The following RABGEF1 variants were observed in gnomAD, a reference collection of about 807,000 sequenced individuals.
RABGEF1 encodes the protein rab5 GDP/GTP exchange factor.
RABGEF1 carries 26 observed loss-of-function variants against 57.3 expected under a neutral mutation model. That is an observed-to-expected ratio of 0.45 (90% CI 0.33 to 0.63). The LOEUF is 0.63. RABGEF1 is among the 20% of genes least tolerant of loss of function. RABGEF1 has a pLI of 0.02. For missense variants in RABGEF1, 464 were observed against 607.6 expected (o/e 0.76, Z 2.48); for synonymous variants, 185 against 210.7 (o/e 0.88, Z 1.06).
In RABGEF1 at chr7:66,795,561, T is replaced by A; in HGVS notation, c.564T>A (p.Asn188Lys). The A allele has an allele frequency of 6.2e-7, 1 of 1,612,252 alleles. No homozygotes were observed. The highest frequency in any genetic ancestry group is 8.5e-7 in the Non-Finnish European group (1 of 1,178,280). The change falls in exon 5 of 9, where the codon AAT becomes AAA. Residue 188 changes from asparagine to lysine, a missense_variant. Physicochemically the swap from Asn to Lys is moderately conservative, Grantham distance 94. Around this residue, in one of 4 missense-constraint regions of RABGEF1, gnomAD observed 284 missense variants for 389.9 expected, o/e 0.73. Transcript: ENST00000284957. ...AGTGTGCTCAGGATTTCTACCACAA[T>A]GTGGCCGAAAGGATGCAAACTCGTG... Reference protein sequence around the residue: ...QSECAQDFYHNVAERMQTRGK... With the variant: ...QSECAQDFYHKVAERMQTRGK...
At chr7:66,727,710 G>A (rs537820093) in intron 2 of RABGEF1, among the ~76,000 whole-genome samples, 8 of 152,318 alleles carry the variant, frequency 5.3e-5, no homozygotes, top group African/African-American at 9.6e-5. Context: ...GGGTCCTGGC[G>A]GTGGCCAGAA....
At chr7:66,780,599 A>G (rs1163819543) in intron 3 of RABGEF1, among the ~76,000 whole-genome samples, 2 of 152,094 alleles carry the variant, frequency 1.3e-5, no homozygotes, top group Non-Finnish European at 2.9e-5. Flanking sequence ...GTCTTTACTG[A>G]CTTTTTAAAA....
Position 66,771,921 on chromosome 7 carries a change from C to G in RABGEF1, c.22C>G (p.Arg8Gly). MSLKSER[R>G]GIHVDQSDLL... ...GAAGATGAGCCTTAAGTCTGAACGC[C>G]GAGGAATTCATGTGGATCAATCGGA... The change falls in exon 2 of 9, where the codon CGA (arginine) becomes GGA (glycine). Residue 8 changes from arginine to glycine, a missense_variant. Arg to Gly is a moderately radical substitution (Grantham distance 125). Transcript: ENST00000284957. The G allele has an allele frequency of 6.4e-7, 1 of 1,555,888 alleles. No homozygotes were observed. Among genetic ancestry groups the G allele is most frequent in the Non-Finnish European group, 8.7e-7 (1 of 1,150,262 alleles).
chr7:66,732,714 ACT>A (rs762519718), intron 2 of RABGEF1, among the ~76,000 whole-genome samples: 34 of 148,468 alleles, frequency 2.3e-4, no homozygotes, highest in South Asian at 1.3e-3. Context: ...TCTCTCGCTC[ACT>A]CTCTCTCGCT....
At chr7:66,803,630 C>G (rs1017631072) in intron 7 of RABGEF1, among the ~76,000 whole-genome samples, 1 of 152,138 alleles carries the variant, frequency 6.6e-6, no homozygotes, top group African/African-American at 2.4e-5. Context: ...GTGAGTCACA[C>G]CTGTAATCCC....
chr7:66,808,871 G>T lies in RABGEF1; in HGVS notation c.1078-15G>T. 3 of 1,544,206 alleles carry T rather than the reference G, an allele frequency of 1.9e-6. No individual in the cohort carries two copies. The highest frequency in any genetic ancestry group is 2.7e-6 in the Non-Finnish European group (3 of 1,130,534). ...GCTTTCCTAATATGACTGTATTAAC[G>T]TCCTCTTCTTGTAGTGCTGTGCTGT... On this transcript the variant is annotated splice_polypyrimidine_tract_variant and intron_variant, in intron 8 of 8. Transcript: ENST00000284957.
At chr7:66,677,210 A>G (rs1014778164), upstream of RABGEF1, among the ~76,000 whole-genome samples, 7 of 152,218 alleles carry the variant, frequency 4.6e-5, no homozygotes, top group African/African-American at 1.7e-4. Flanking sequence ...TGTGATAAAA[A>G]GAAATCTAAC....
At chr7:66,782,896 A>G (rs1219775147) in intron 3 of RABGEF1, among the ~76,000 whole-genome samples, 1 of 152,230 alleles carries the variant, frequency 6.6e-6, no homozygotes. Flanking sequence ...GTTCAAAATC[A>G]GGAGGCTTAG....
At chr7:66,711,914 A>G (rs940768932) in intron 1 of RABGEF1, among the ~76,000 whole-genome samples, 1 of 152,048 alleles carries the variant, frequency 6.6e-6, no homozygotes, top group Admixed American at 6.6e-5. Flanking sequence ...GCATTGATGT[A>G]TTCTATTTCA....
the RABGEF1 span, among the ~76,000 whole-genome samples, chr7:66,658,767 G>A: frequency 6.6e-6 from 1 of 151,980 alleles, no homozygotes; most frequent in Non-Finnish European, 1.5e-5. Context: ...ACAGAGTCTC[G>A]CTCTGTCGCC....
At chr7:66,773,294 A>G (rs1468819961) in intron 2 of RABGEF1, among the ~76,000 whole-genome samples, 2 of 152,162 alleles carry the variant, frequency 1.3e-5, no homozygotes, top group Non-Finnish European at 2.9e-5. Flanking sequence ...TCAAAAACAG[A>G]GTAGAGGCCA....
upstream of RABGEF1, among the ~76,000 whole-genome samples, chr7:66,677,408 AT>A (rs910376975): frequency 6.6e-6 from 1 of 152,126 alleles, no homozygotes; most frequent in African/African-American, 2.4e-5. Context: ...CCCTATCTCT[AT>A]AAAAAATAAG....
intron 1 of RABGEF1, among the ~76,000 whole-genome samples, chr7:66,756,552 G>A (rs1237361355): frequency 2.0e-5 from 3 of 152,026 alleles, no homozygotes; most frequent in African/African-American, 7.3e-5. Flanking sequence ...ATACTTCATT[G>A]TCCTGTTCAG....
chr7:66,735,108 T>G (rs1041842044), intron 2 of RABGEF1, among the ~76,000 whole-genome samples: 1 of 152,190 alleles, frequency 6.6e-6, no homozygotes, highest in African/African-American at 2.4e-5. Context: ...AGTTTTAACT[T>G]TATAATCTGT....
chr7:66,685,944 T>C (rs1272556987), intron 1 of RABGEF1, among the ~76,000 whole-genome samples: 2 of 152,104 alleles, frequency 1.3e-5, no homozygotes, highest in African/African-American at 4.8e-5. Context: ...TGACTCAGAA[T>C]AGAAATGGTA....
chr7:66,657,831 A>C, the RABGEF1 span, among the ~76,000 whole-genome samples: 1 of 152,096 alleles, frequency 6.6e-6, no homozygotes, highest in South Asian at 2.1e-4. Flanking sequence ...AAAAAAAATC[A>C]ATAAAAATAA....
chr7:66,665,481 G>A, the RABGEF1 span, among the ~76,000 whole-genome samples: 1 of 152,018 alleles, frequency 6.6e-6, no homozygotes, highest in Non-Finnish European at 1.5e-5. Context: ...TGTCCTGCTG[G>A]GGGATGGGAT....
At chr7:66,682,164 C>A (rs532704139) in exon 1 of RABGEF1, 2 of 167,268 alleles carry the variant, frequency 1.2e-5, no homozygotes, top group Middle Eastern at 1.2e-3. Context: ...ACTGGGGAAC[C>A]CAGACCTGCC....
In RABGEF1 at chr7:66,746,784, C is replaced by T. The variant is rs575313500; in HGVS notation, c.-18+5992C>T. 3.3e-4 allele frequency among the ~76,000 whole-genome samples: 44 copies of T among 134,278 alleles called. 1 individual carries two copies. The East Asian group carries it at 5.7e-3, about 17-fold the overall frequency. The allele number at this position is 134,278 out of a possible 152,430, so 88.1% of individuals were successfully genotyped here. A position where few individuals can be genotyped will look rare whatever the true frequency, so the allele number is the denominator to read the frequency against. On this transcript the variant is annotated intron_variant, in intron 1 of 8. Transcript: ENST00000284957. ...GAATATGGGCTCCTGCCACCACGTC[C>T]GGCTAATTTTTTTTTTTGCTGGAGT...
Sources: gnomAD v4.1 joint callset for allele counts (sites outside exome capture counted in the v4.1 genomes callset) on GRCh38, gnomAD v4.1.1 for gene constraint, gnomAD v4.1.1 regional missense constraint, MANE v1.5 for transcripts, NCBI Gene and HGNC (gene_info 2026-07-23, HGNC 2026-07-21) for gene names.